Variants in ATP2B2 observed in about 807,000 individuals in gnomAD.
ATP2B2 encodes ATPase plasma membrane Ca2+ transporting 2.
ATP2B2 carries 15 observed loss-of-function variants against 120.0 expected under a neutral mutation model. That is an observed-to-expected ratio of 0.12 (90% CI 0.08 to 0.19). ATP2B2 has a LOEUF of 0.19. ATP2B2 is among the 10% of genes least tolerant of loss of function. The probability of loss-of-function intolerance (pLI) is 1.00; values close to 1 mark genes in which losing one functional copy is unlikely to be tolerated. For synonymous variants in ATP2B2, 694 were observed against 700.3 expected (o/e 0.99, Z 0.14); for missense variants, 1,045 against 1,719.8 (o/e 0.61, Z 6.94).
At chr3:10,507,513 G>A (rs1007420839), upstream of ATP2B2, among the ~76,000 whole-genome samples, 3 of 152,280 alleles carry the variant, frequency 2.0e-5, no homozygotes, top group Non-Finnish European at 4.4e-5. Context: ...TTGGAGCGAG[G>A]GTGGGCAAAG....
intron 3 of ATP2B2, among the ~76,000 whole-genome samples, chr3:10,529,301 T>A (rs1436128181): frequency 1.8e-4 from 27 of 152,214 alleles, no homozygotes; most frequent in Middle Eastern, 3.2e-3. Flanking sequence ...TACTCCCCTA[T>A]CCAACAACAG....
chr3:10,662,128 A>G (rs547753776), intron 1 of ATP2B2, among the ~76,000 whole-genome samples: 2 of 152,334 alleles, frequency 1.3e-5, no homozygotes, highest in East Asian at 3.9e-4. Context: ...TAAATGTTAG[A>G]CCTAAAACCA....
rs368936389 is a variant in ATP2B2 at position 10,340,470 on chromosome 3, G to C, written c.3129+23C>G. 6.2e-7 allele frequency: 1 copy of C among 1,614,086 alleles called. No individual in the cohort carries two copies. Among genetic ancestry groups the C allele is most frequent in the African/African-American group, 1.3e-5 (1 of 74,954 alleles). On this transcript the variant is annotated intron_variant, in intron 20 of 22. Coordinates refer to ENST00000360273, the MANE Select transcript of ATP2B2 (RefSeq NM_001001331.4). The surrounding 1 kb of genome is among the most constrained non-coding windows in gnomAD (Gnocchi z 5.0). ...GCCGCTTGCTGCCCACCCCGGGCCT[G>C]GTTAGGGTGGGGGCCTCACTACCTG... is the stretch of plus-strand genomic sequence containing the variant.
chr3:10,483,167 C>T (rs190596352), intron 1 of ATP2B2, among the ~76,000 whole-genome samples: 106 of 152,356 alleles, frequency 7.0e-4, no homozygotes, highest in East Asian at 6.2e-3. Context: ...AAACTGCTGC[C>T]ATTTCTGGAG....
chr3:10,643,202 A>G (rs1338427841), intron 1 of ATP2B2, among the ~76,000 whole-genome samples: 1 of 152,354 alleles, frequency 6.6e-6, no homozygotes, highest in Non-Finnish European at 1.5e-5. Context: ...GTAATTAACT[A>G]TAAGTCTCTG....
chr3:10,400,833 G>T, intron 5 of ATP2B2, 120 bp downstream of exon 5: 1 of 1,485,720 alleles, frequency 6.7e-7, no homozygotes, highest in Non-Finnish European at 9.3e-7. Context: ...GGCTGAGCTG[G>T]CTGGAGATAC....
intron 12 of ATP2B2, among the ~76,000 whole-genome samples, chr3:10,361,235 A>G (rs999234813): frequency 1.3e-5 from 2 of 152,176 alleles, no homozygotes; most frequent in East Asian, 3.9e-4. Context: ...GTTTAACCTA[A>G]TGAGACTCCT....
chr3:10,424,636 G>A (rs1353996677), intron 2 of ATP2B2, among the ~76,000 whole-genome samples: 1 of 152,160 alleles, frequency 6.6e-6, no homozygotes, highest in Non-Finnish European at 1.5e-5. Flanking sequence ...ATAGAAAAAT[G>A]CATTTCTGTC....
upstream of ATP2B2, among the ~76,000 whole-genome samples, chr3:10,509,805 G>A (rs747617421): frequency 5.4e-4 from 82 of 152,162 alleles, no homozygotes; most frequent in Non-Finnish European, 1.0e-3. Flanking sequence ...ACCAGATCTC[G>A]AGTGGAGGCT....
chr3:10,700,125 T>C lies in ATP2B2; in HGVS notation c.-460+7790A>G, dbSNP rs535117166. On this transcript the variant is annotated intron_variant, in intron 1 of 21. Transcript: ENST00000646379. ...TCATGTGAGACAGGATTGGAGAGTG[T>C]GCTATACTTCTGATGACCTGGATCC... Among the ~76,000 whole-genome samples the C allele has an allele frequency of 7.9e-5, 12 of 152,214 alleles. No individual in the cohort carries two copies. The South Asian group carries it at 2.1e-3, about 26-fold the overall frequency.
intron 1 of ATP2B2, among the ~76,000 whole-genome samples, chr3:10,477,465 T>A (rs995195216): frequency 6.6e-6 from 1 of 152,246 alleles, no homozygotes; most frequent in African/African-American, 2.4e-5. Flanking sequence ...TGCATCCTCA[T>A]TGTTGCACAA....
chr3:10,665,421 C>G (rs1174528826), intron 1 of ATP2B2, among the ~76,000 whole-genome samples: 1 of 152,180 alleles, frequency 6.6e-6, no homozygotes, highest in Non-Finnish European at 1.5e-5. Context: ...TTACTAACCT[C>G]CCACAGCTCT....
chr3:10,520,771 C>CT (rs79911432), intron 3 of ATP2B2, among the ~76,000 whole-genome samples: 2 of 126,548 alleles, frequency 1.6e-5, no homozygotes, highest in African/African-American at 6.4e-5. Context: ...TTTTTTTTTT[C>CT]TTTTTTTTCT....
At chr3:10,472,820 AGTGACAAC>A (rs1437474686) in intron 1 of ATP2B2, among the ~76,000 whole-genome samples, 1 of 152,204 alleles carries the variant, frequency 6.6e-6, no homozygotes, top group African/African-American at 2.4e-5. Flanking sequence ...AAGTTGCTTA[AGTGACAAC>A]CCTACAGTAG....
At chr3:10,424,312 G>A (rs913200266) in intron 2 of ATP2B2, among the ~76,000 whole-genome samples, 3 of 152,212 alleles carry the variant, frequency 2.0e-5, no homozygotes, top group Admixed American at 6.5e-5. Context: ...CTGAGGCTCC[G>A]AACTGTACTG....
intron 1 of ATP2B2, among the ~76,000 whole-genome samples, chr3:10,668,750 G>T (rs567372057): frequency 9.9e-5 from 15 of 151,660 alleles, no homozygotes; most frequent in Admixed American, 8.5e-4. Context: ...CCTGCATTCC[G>T]CTTGCTGTCT....
intron 1 of ATP2B2, among the ~76,000 whole-genome samples, chr3:10,490,164 CTGT>C (rs1162380966): frequency 6.6e-6 from 1 of 152,252 alleles, no homozygotes; most frequent in Non-Finnish European, 1.5e-5. Context: ...TCCAGCCTGG[CTGT>C]TATTACACTG....
intron 2 of ATP2B2, among the ~76,000 whole-genome samples, chr3:10,598,210 C>G (rs2068818050): frequency 6.6e-6 from 1 of 152,116 alleles, no homozygotes; most frequent in South Asian, 2.1e-4. Context: ...AAGCTTGCTG[C>G]AGGGGTATGT....
intron 2 of ATP2B2, among the ~76,000 whole-genome samples, chr3:10,442,875 C>T (rs2063716047): frequency 6.6e-6 from 1 of 152,224 alleles, no homozygotes; most frequent in South Asian, 2.1e-4. Flanking sequence ...TTAATGCTTA[C>T]AGCGACCCTA....
Sources: allele counts gnomAD v4.1 joint callset (sites outside exome capture counted in the v4.1 genomes callset), GRCh38; gene constraint gnomAD v4.1.1; non-coding constraint Gnocchi (gnomAD v3.1); transcripts MANE v1.5; gene names NCBI Gene and HGNC (gene_info 2026-07-23, HGNC 2026-07-21).